INTS4: variants seen among roughly 807,000 people sequenced by gnomAD.
INTS4 encodes MSTP093.
In INTS4, 70 loss-of-function variants were observed where a neutral mutation model predicts 119.5. The ratio of observed to expected loss-of-function variants is 0.59; its 90% confidence interval spans 0.48 to 0.71. The LOEUF (loss-of-function observed/expected upper bound fraction) is 0.71. Ranked by LOEUF, INTS4 falls within the 30% of genes least tolerant of loss-of-function variation. INTS4 has a pLI of 0.00. For missense variants in INTS4, 867 were observed against 1,173.2 expected, an observed-to-expected ratio of 0.74 and a Z score of 3.81; for synonymous variants, 316 against 419.6, an observed-to-expected ratio of 0.75 and a Z score of 3.02.
At chr11:77,881,999 C>A (rs1259212983) in intron 22 of INTS4, among the ~76,000 whole-genome samples, 1 of 151,800 alleles carries the variant, frequency 6.6e-6, no homozygotes, top group Admixed American at 6.6e-5. Context: ...GCAGCCTTGA[C>A]CCCCCAGACT....
chr11:77,960,451 TC>T, intron 5 of INTS4, 60 bp from the exon 6 acceptor site: 1 of 1,223,570 alleles, frequency 8.2e-7, no homozygotes, highest in Non-Finnish European at 1.2e-6. Flanking sequence ...TTCCAATGTC[TC>T]CCCACAATCT....
At chr11:77,889,914 T>C (rs1486302362) in intron 21 of INTS4, among the ~76,000 whole-genome samples, 2 of 152,214 alleles carry the variant, frequency 1.3e-5, no homozygotes, top group African/African-American at 4.8e-5. Flanking sequence ...CAATCTCCTT[T>C]ACGCTCAGGT....
Position 77,911,286 on chromosome 11 carries a change from A to G in INTS4, c.1923-3476T>C, listed in dbSNP as rs140727428. 3.6e-3 allele frequency: 1,475 copies of G among 407,116 alleles called. 24 individuals are homozygous for G. The highest frequency in any genetic ancestry group is 0.028 in the African/African-American group (1,305 of 46,576). 25.2% of individuals were successfully genotyped at this position (407,116 alleles called of 1,614,324 possible). A position where few individuals can be genotyped will look rare whatever the true frequency, so the allele number is the denominator to read the frequency against. On this transcript the variant is annotated intron_variant, in intron 15 of 22. Transcript: ENST00000534064. ...ACCCAAAGTGTGGGAACCCAGCACA[A>G]TGAAAGCCAAGACCATAGACTAGCT...
chr11:77,913,192 A>G (rs1471932211), intron 15 of INTS4, among the ~76,000 whole-genome samples: 3 of 152,138 alleles, frequency 2.0e-5, no homozygotes, highest in Non-Finnish European at 2.9e-5. Flanking sequence ...TTAAAAGACA[A>G]TCCCCTTCAA....
At chr11:77,971,423 G>C (rs1001604343) in intron 4 of INTS4, among the ~76,000 whole-genome samples, 3 of 151,976 alleles carry the variant, frequency 2.0e-5, no homozygotes, top group African/African-American at 7.3e-5. Context: ...AAGGTGCATG[G>C]ATCACTTGAG....
intron 18 of INTS4, among the ~76,000 whole-genome samples, chr11:77,895,527 GAAAAA>G (rs71046921): frequency 1.0e-4 from 4 of 39,258 alleles, no homozygotes; most frequent in South Asian, 1.4e-3. Context: ...TTCTTTTCCT[GAAAAA>G]AAAAAAAAAA....
At position 77,883,931 on chromosome 11, in the gene INTS4, C is replaced by A; in HGVS notation, c.2614G>T (p.Ala872Ser). The change falls in exon 22 of 23, where the codon GCT (alanine) becomes TCT (serine). Residue 872 changes from alanine (A) to serine (S), a missense_variant. Transcript: ENST00000534064. ...KVQVLYPDGQ[A>S]QMIHPKPADF... ...GCAGGCTTGGGGTGAATCATCTGAG[C>A]CTGGCCATCTGGATATAAGACCTAA... The A allele has an allele frequency of 6.2e-7, 1 of 1,613,142 alleles. No individual in the cohort carries two copies.
chr11:77,896,280 T>C (rs1461199065), intron 18 of INTS4, among the ~76,000 whole-genome samples: 3 of 151,712 alleles, frequency 2.0e-5, no homozygotes, highest in African/African-American at 7.3e-5. Flanking sequence ...CACATAATAA[T>C]GAAATCAAAC....
At chr11:77,982,302 C>CT (rs1318764569) in intron 2 of INTS4, among the ~76,000 whole-genome samples, 1 of 151,832 alleles carries the variant, frequency 6.6e-6, no homozygotes, top group Non-Finnish European at 1.5e-5. Context: ...CACCTGGCTA[C>CT]TTTTTTTTAA....
At chr11:77,897,764 C>G (rs1414017612) in intron 18 of INTS4, among the ~76,000 whole-genome samples, 1 of 152,180 alleles carries the variant, frequency 6.6e-6, no homozygotes, top group African/African-American at 2.4e-5. Context: ...TTCGGCCTCC[C>G]AAAGTGCTGG....
chr11:77,966,071 T>C (rs946293303), intron 4 of INTS4, among the ~76,000 whole-genome samples: 9 of 152,214 alleles, frequency 5.9e-5, no homozygotes, highest in Admixed American at 3.9e-4. Context: ...CTTAGTGATG[T>C]TGTACACTTT....
chr11:77,889,476 G>A (rs1227387976), intron 21 of INTS4, among the ~76,000 whole-genome samples: 1 of 152,062 alleles, frequency 6.6e-6, no homozygotes. Context: ...CAGCACACCA[G>A]CATGGCACAT....
intron 9 of INTS4, among the ~76,000 whole-genome samples, chr11:77,939,351 C>T (rs1953873707): frequency 1.3e-5 from 2 of 152,158 alleles, no homozygotes; most frequent in African/African-American, 4.8e-5. Context: ...TGGCACATGC[C>T]TGTAGTCCCA....
chr11:77,978,185 C>A (rs909464797), intron 4 of INTS4: 13 of 152,134 alleles, frequency 8.5e-5, no homozygotes, highest in African/African-American at 3.1e-4. Context: ...AGCCACCGCA[C>A]CTGGCCCTAT....
chr11:77,926,373 T>C (rs2510964), intron 11 of INTS4, among the ~76,000 whole-genome samples: 59,008 of 152,008 alleles, frequency 0.39, 11,656 homozygotes, highest in African/African-American at 0.44. Context: ...GTGAGTTATA[T>C]ACATAAGTAC....
Position 77,962,908 on chromosome 11 carries a change from G to A in INTS4, c.472-1770C>T, listed in dbSNP as rs370400512. On this transcript the variant is annotated intron_variant, in intron 4 of 22. Transcript: ENST00000534064. ...CACACACCTGTAATCCCAGCTACTC[G>A]GGAGGCTGAGGCCAGAGAATTGCTT... Among the ~76,000 whole-genome samples, 12 of 151,762 alleles carry A rather than the reference G, an allele frequency of 7.9e-5. No homozygotes were observed. The East Asian group carries it at 1.5e-3, about 20-fold the overall frequency.
At chr11:77,882,533 G>C (rs1410415979) in intron 22 of INTS4, among the ~76,000 whole-genome samples, 2 of 152,226 alleles carry the variant, frequency 1.3e-5, no homozygotes, top group Non-Finnish European at 2.9e-5. Flanking sequence ...TTCAGCAGAA[G>C]ATATTAGAAT....
At chr11:77,989,527 T>C (rs1246340779) in intron 2 of INTS4, among the ~76,000 whole-genome samples, 2 of 152,104 alleles carry the variant, frequency 1.3e-5, no homozygotes, top group Non-Finnish European at 2.9e-5. Flanking sequence ...AAAATACTAA[T>C]AACTGTTAAA....
rs182245131 is a variant in INTS4, at chr11:77,945,708, C to G, written c.919-4457G>C. ...CACACGCCAGTACTCAGCCAAAAAG[C>G]CAATCCTGCGGCAGCCCCACTCCCT... On this transcript the variant is annotated intron_variant, in intron 8 of 22. Transcript: ENST00000534064. Among the ~76,000 whole-genome samples, 3 of 152,300 alleles carry G rather than the reference C, an allele frequency of 2.0e-5. No homozygotes were observed. In the East Asian group the frequency reaches 5.8e-4, roughly 29 times the overall value.
Sources: allele counts gnomAD v4.1 joint callset (sites outside exome capture counted in the v4.1 genomes callset), GRCh38; gene constraint gnomAD v4.1.1; transcripts MANE v1.5; gene names NCBI Gene and HGNC (gene_info 2026-07-23, HGNC 2026-07-21).